The following ATP2B2 variants were observed in gnomAD, a reference collection of about 807,000 sequenced individuals.
ATP2B2 encodes plasma membrane calcium-transporting ATPase 2.
In ATP2B2, 15 loss-of-function variants were observed where a neutral mutation model predicts 120.0. The observed-to-expected ratio is 0.12, with a 90% CI of 0.08 to 0.19. The LOEUF (loss-of-function observed/expected upper bound fraction) is 0.19. Ranked by LOEUF, ATP2B2 falls within the 10% of genes least tolerant of loss-of-function variation. The probability of loss-of-function intolerance (pLI) is 1.00; values close to 1 mark genes in which losing one functional copy is unlikely to be tolerated. For synonymous variants in ATP2B2, 694 were observed against 700.3 expected (o/e 0.99, Z 0.14); for missense variants, 1,045 against 1,719.8 (o/e 0.61, Z 6.94).
At chr3:10,543,526 TA>T (rs1396826317) in intron 2 of ATP2B2, among the ~76,000 whole-genome samples, 2 of 152,214 alleles carry the variant, frequency 1.3e-5, no homozygotes, top group African/African-American at 2.4e-5. Context: ...AAGAGACTTG[TA>T]AAAATATGAA....
chr3:10,682,162 A>C (rs550709020), intron 1 of ATP2B2, among the ~76,000 whole-genome samples: 1 of 152,332 alleles, frequency 6.6e-6, no homozygotes, highest in South Asian at 2.1e-4. Flanking sequence ...GAAACCTCGA[A>C]GGCATAGTGT....
At chr3:10,458,192 T>C (rs1330982691) in intron 1 of ATP2B2, among the ~76,000 whole-genome samples, 3 of 152,024 alleles carry the variant, frequency 2.0e-5, no homozygotes, top group African/African-American at 7.2e-5. Context: ...CCAATAAAAC[T>C]AATGAGCTGC....
In ATP2B2 at chr3:10,368,952, G is replaced by A. The variant is rs189957633; in HGVS notation, c.1659+2857C>T. Among the ~76,000 whole-genome samples, 7 of 152,308 alleles carry A rather than the reference G, an allele frequency of 4.6e-5. No homozygotes were observed. The East Asian group carries it at 9.7e-4, about 21-fold the overall frequency. On this transcript the variant is annotated intron_variant, in intron 12 of 22. Transcript: ENST00000360273. ...ACTTCCCAAAAGTCTATCCAAGGGG[G>A]ATGAGAGAAGACTCAGCTGTCTCCT...
intron 5 of ATP2B2, among the ~76,000 whole-genome samples, chr3:10,390,062 G>C (rs2061799222): frequency 6.6e-6 from 1 of 152,088 alleles, no homozygotes; most frequent in Non-Finnish European, 1.5e-5. Flanking sequence ...TATGATGCAG[G>C]ACACACTACC....
intron 1 of ATP2B2, among the ~76,000 whole-genome samples, chr3:10,633,763 A>G (rs1029051932): frequency 3.3e-5 from 5 of 152,208 alleles, no homozygotes; most frequent in African/African-American, 1.2e-4. Context: ...CCTTGGGCAC[A>G]AGATCCTCAG....
At position 10,375,379 on chromosome 3, in the gene ATP2B2, C is replaced by T. The variant is rs766725315; in HGVS notation, c.1416+51G>A. On this transcript the variant is annotated intron_variant, in intron 11 of 22. Coordinates refer to ENST00000360273, the MANE Select transcript of ATP2B2 (RefSeq NM_001001331.4). This position sits in a 1 kb window ranked among gnomAD's most constrained non-coding sequence, Gnocchi z 4.2. ...ACCAGCCCCAGTGATTCCCCCAGGC[C>T]CTCAGCTGCAGCTGCATCAGCCGGC... The T allele has an allele frequency of 4.7e-6, 7 of 1,500,994 alleles. No homozygotes were observed. In the East Asian group the frequency reaches 1.4e-4, roughly 29 times the overall value. The allele number at this position is 1,500,994 out of a possible 1,614,324, so 93.0% of individuals were successfully genotyped here.
intron 1 of ATP2B2, among the ~76,000 whole-genome samples, chr3:10,670,651 C>T (rs2071072757): frequency 6.6e-6 from 1 of 152,114 alleles, no homozygotes; most frequent in Non-Finnish European, 1.5e-5. Context: ...GAACTCCTGA[C>T]CTCAGGTGAT....
At chr3:10,542,868 T>C (rs1346451764) in intron 2 of ATP2B2, among the ~76,000 whole-genome samples, 1 of 152,156 alleles carries the variant, frequency 6.6e-6, no homozygotes, top group African/African-American at 2.4e-5. Flanking sequence ...GTAGGGTTGG[T>C]TTGTGTGTTT....
At chr3:10,679,978 G>A (rs2071342881) in intron 1 of ATP2B2, among the ~76,000 whole-genome samples, 1 of 152,132 alleles carries the variant, frequency 6.6e-6, no homozygotes, top group African/African-American at 2.4e-5. Flanking sequence ...TTAATAACCT[G>A]TCGGTTCCAC....
intron 2 of ATP2B2, among the ~76,000 whole-genome samples, chr3:10,593,269 A>G (rs1209768993): frequency 6.6e-6 from 1 of 152,256 alleles, no homozygotes; most frequent in East Asian, 1.9e-4. Context: ...AACCCTACTA[A>G]GTCTGCAGTA....
chr3:10,422,538 G>T (rs1487180687), intron 2 of ATP2B2, among the ~76,000 whole-genome samples: 2 of 152,158 alleles, frequency 1.3e-5, no homozygotes, highest in East Asian at 3.9e-4. Flanking sequence ...TCTCTGTCAT[G>T]TGGAGGGGGC....
intron 2 of ATP2B2, among the ~76,000 whole-genome samples, chr3:10,536,677 C>T (rs1375299123): frequency 6.6e-6 from 1 of 152,110 alleles, no homozygotes; most frequent in Admixed American, 6.5e-5. Context: ...CAAGTGTGCA[C>T]CACTATGCCC....
In ATP2B2 at chr3:10,402,065, C is replaced by A; in HGVS notation, c.655+26G>T. ...CCTCTGCCGGAATCCAGCTTTAGAA[C>A]CTGGCTCTGTGGCTGGGACACTTAC... is the stretch of plus-strand genomic sequence containing the variant. On this transcript the variant is annotated intron_variant, in intron 4 of 22. Coordinates refer to ENST00000360273, the MANE Select transcript of ATP2B2 (RefSeq NM_001001331.4). This position sits in a 1 kb window ranked among gnomAD's most constrained non-coding sequence, Gnocchi z 4.9. 5 of 1,612,144 alleles carry A rather than the reference C, an allele frequency of 3.1e-6. No homozygotes were observed. The highest frequency in any genetic ancestry group is 4.2e-6 in the Non-Finnish European group (5 of 1,180,014).
rs375110732 is a variant in ATP2B2 at position 10,380,801 on chromosome 3, T to A, written c.1001-1517A>T. On this transcript the variant is annotated intron_variant, in intron 8 of 22. Coordinates refer to ENST00000360273, the MANE Select transcript of ATP2B2 (RefSeq NM_001001331.4). Reference sequence around the variant, plus strand: ...CTCCCAATCTCATCAAGCTTCCACTTTCATAAAACAGGATGAGACATTCAC... The same window carrying A: ...CTCCCAATCTCATCAAGCTTCCACTATCATAAAACAGGATGAGACATTCAC... Among the ~76,000 whole-genome samples, 6 of 152,194 alleles carry A rather than the reference T, an allele frequency of 3.9e-5. No individual in the cohort carries two copies. The South Asian group carries it at 1.2e-3, about 32-fold the overall frequency.
chr3:10,330,173 T>C (rs2059939770), intron 22 of ATP2B2: 1 of 154,500 alleles, frequency 6.5e-6, no homozygotes, highest in South Asian at 2.0e-4. Context: ...CTGTCTCAGT[T>C]GTGAACCACA....
intron 2 of ATP2B2, among the ~76,000 whole-genome samples, chr3:10,427,134 T>C (rs1232511156): frequency 6.6e-6 from 1 of 152,218 alleles, no homozygotes; most frequent in Non-Finnish European, 1.5e-5. Context: ...GAAATAGGGA[T>C]AAGCAGTGTC....
At chr3:10,503,166 GT>G (rs1559422027) in intron 1 of ATP2B2, among the ~76,000 whole-genome samples, 2 of 152,244 alleles carry the variant, frequency 1.3e-5, no homozygotes, top group African/African-American at 4.8e-5. Flanking sequence ...TGCATACAAC[GT>G]AAGCCACAGC....
At chr3:10,388,090 G>T in intron 6 of ATP2B2, 187 bp downstream of exon 6, 2 of 772,596 alleles carry the variant, frequency 2.6e-6, no homozygotes, top group Non-Finnish European at 4.3e-6. Flanking sequence ...ACTGGGACAA[G>T]ACCTGGAGAT....
At chr3:10,587,130 C>CAA (rs201397301) in intron 2 of ATP2B2, among the ~76,000 whole-genome samples, 1 of 151,818 alleles carries the variant, frequency 6.6e-6, no homozygotes, top group Non-Finnish European at 1.5e-5. Context: ...CCCATAGCTA[C>CAA]AAAAAAACAA....
Sources: gnomAD v4.1 joint callset for allele counts (sites outside exome capture counted in the v4.1 genomes callset) on GRCh38, gnomAD v4.1.1 for gene constraint, Gnocchi (gnomAD v3.1) non-coding constraint, MANE v1.5 for transcripts, NCBI Gene and HGNC (gene_info 2026-07-23, HGNC 2026-07-21) for gene names.